GPC6: variants seen among roughly 807,000 people sequenced by gnomAD.
The protein encoded by GPC6 is glypican-6.
GPC6 carries 14 observed loss-of-function variants against 55.2 expected under a neutral mutation model. The ratio of observed to expected loss-of-function variants is 0.25; its 90% confidence interval spans 0.17 to 0.40. GPC6 has a LOEUF of 0.40. GPC6 is among the 10% of genes least tolerant of loss of function. GPC6 has a pLI of 1.00. For synonymous variants in GPC6, 278 were observed against 259.6 expected (o/e 1.07, Z -0.68); for missense variants, 641 against 708.5 (o/e 0.90, Z 1.08).
At chr13:93,276,357 G>C (rs1324611682) in intron 1 of GPC6, among the ~76,000 whole-genome samples, 1 of 151,954 alleles carries the variant, frequency 6.6e-6, no homozygotes, top group Non-Finnish European at 1.5e-5. Flanking sequence ...TTTTGAAAAA[G>C]TCAAATGAAC....
At chr13:93,514,851 A>G (rs536143190) in intron 1 of GPC6, among the ~76,000 whole-genome samples, 21 of 152,300 alleles carry the variant, frequency 1.4e-4, no homozygotes, top group African/African-American at 4.8e-4. Flanking sequence ...TGAGGAAAAA[A>G]ACAAACAAAC....
chr13:93,557,062 A>G (rs1262267802), intron 2 of GPC6, among the ~76,000 whole-genome samples: 1 of 152,180 alleles, frequency 6.6e-6, no homozygotes, highest in Non-Finnish European at 1.5e-5. Flanking sequence ...TCTCTAAGGA[A>G]TCTGGGATAA....
chr13:94,340,146 T>C (rs546523246), intron 6 of GPC6, among the ~76,000 whole-genome samples: 91 of 152,074 alleles, frequency 6.0e-4, no homozygotes, highest in Non-Finnish European at 6.9e-4. Context: ...TGCTTATAGG[T>C]ATCAAAAAGG....
intron 1 of GPC6, among the ~76,000 whole-genome samples, chr13:93,446,210 G>C (rs1377200883): frequency 6.6e-6 from 1 of 152,032 alleles, no homozygotes; most frequent in Admixed American, 6.6e-5. Context: ...AGCTAGTTTG[G>C]AATGCATTCC....
intron 3 of GPC6, among the ~76,000 whole-genome samples, chr13:93,945,952 G>T (rs376863821): frequency 5.3e-5 from 8 of 152,004 alleles, no homozygotes; most frequent in Non-Finnish European, 1.0e-4. Context: ...CAAAATACTC[G>T]ACGTTTTTTC....
intron 2 of GPC6, among the ~76,000 whole-genome samples, chr13:93,817,157 G>C (rs1022347443): frequency 6.6e-6 from 1 of 152,180 alleles, no homozygotes; most frequent in African/African-American, 2.4e-5. Flanking sequence ...TAAATTTGCT[G>C]TGCCTCTGTT....
At chr13:93,445,493 A>G (rs1877967476) in intron 1 of GPC6, among the ~76,000 whole-genome samples, 1 of 152,226 alleles carries the variant, frequency 6.6e-6, no homozygotes. Flanking sequence ...AATTCAAATC[A>G]GTATTCAAGA....
intron 3 of GPC6, among the ~76,000 whole-genome samples, chr13:93,952,908 T>TAC (rs71272208): frequency 6.7e-6 from 1 of 149,034 alleles, no homozygotes; most frequent in Non-Finnish European, 1.5e-5. Flanking sequence ...CGTGTATATA[T>TAC]GTATATATAT....
chr13:94,394,609 G>A (rs1480084864), intron 7 of GPC6, among the ~76,000 whole-genome samples: 1 of 152,094 alleles, frequency 6.6e-6, no homozygotes, highest in East Asian at 1.9e-4. Context: ...TGCTGAGTGG[G>A]GCTTTCACAG....
chr13:94,093,743 A>T (rs1885574020), intron 4 of GPC6, among the ~76,000 whole-genome samples: 1 of 152,138 alleles, frequency 6.6e-6, no homozygotes, highest in Admixed American at 6.5e-5. Context: ...CTAAAGAATG[A>T]ACACTTGCTT....
chr13:94,306,157 G>T, intron 6 of GPC6, 34 bp downstream of exon 6: 1 of 1,613,056 alleles, frequency 6.2e-7, no homozygotes. Context: ...CATGGCGGAT[G>T]CTTTGTTTTA....
intron 2 of GPC6, among the ~76,000 whole-genome samples, chr13:93,582,577 G>A (rs1876988611): frequency 6.6e-6 from 1 of 152,154 alleles, no homozygotes; most frequent in South Asian, 2.1e-4. Context: ...TCAGATGAAA[G>A]AACAGACCTT....
At chr13:94,324,705 G>GT (rs11384642) in intron 6 of GPC6, among the ~76,000 whole-genome samples, 85,602 of 147,706 alleles carry the variant, frequency 0.58, 25,764 homozygotes, top group East Asian at 0.87. Flanking sequence ...TGGGTTTTTT[G>GT]TTTTTTTTTT....
intron 4 of GPC6, among the ~76,000 whole-genome samples, chr13:94,271,282 C>T (rs1475712819): frequency 6.6e-6 from 1 of 151,450 alleles, no homozygotes; most frequent in African/African-American, 2.4e-5. Flanking sequence ...TGAGCCACCG[C>T]ACCTGGCCAC....
intron 3 of GPC6, among the ~76,000 whole-genome samples, chr13:93,944,247 A>G (rs1018795440): frequency 4.6e-5 from 7 of 151,592 alleles, no homozygotes; most frequent in African/African-American, 1.7e-4. Flanking sequence ...TCTGTCGCCC[A>G]GGCTGGAGTG....
chr13:93,598,345 A>G (rs1481213979), intron 2 of GPC6, among the ~76,000 whole-genome samples: 1 of 152,132 alleles, frequency 6.6e-6, no homozygotes, highest in East Asian at 1.9e-4. Flanking sequence ...TTTTCAAACC[A>G]TCTCCACCTT....
intron 3 of GPC6, among the ~76,000 whole-genome samples, chr13:93,929,060 C>T (rs1173151374): frequency 4.6e-5 from 7 of 152,168 alleles, no homozygotes; most frequent in African/African-American, 1.7e-4. Context: ...GTGTGCTTGT[C>T]ATTGACAATC....
chr13:93,506,100 G>A (rs980006095), intron 1 of GPC6, among the ~76,000 whole-genome samples: 1 of 152,174 alleles, frequency 6.6e-6, no homozygotes, highest in Admixed American at 6.5e-5. Flanking sequence ...TCTTCAGATA[G>A]GAGAAAGTTG....
chr13:94,263,815 T>C (rs2139052801), intron 4 of GPC6, among the ~76,000 whole-genome samples: 1 of 152,346 alleles, frequency 6.6e-6, no homozygotes, highest in African/African-American at 2.4e-5. Context: ...ATTTACAGCC[T>C]GGCAGCAAGC....
Sources: allele counts gnomAD v4.1 joint callset (sites outside exome capture counted in the v4.1 genomes callset), GRCh38; gene constraint gnomAD v4.1.1; transcripts MANE v1.5; gene names NCBI Gene and HGNC (gene_info 2026-07-23, HGNC 2026-07-21).